The following PBX3 variants were observed in gnomAD, a reference collection of about 807,000 sequenced individuals.
PBX3 encodes pre-B-cell leukemia transcription factor 3.
A neutral mutation model predicts 48.5 loss-of-function variants in PBX3; 14 were observed. That is an observed-to-expected ratio of 0.29 (90% confidence interval 0.19 to 0.45). The LOEUF (loss-of-function observed/expected upper bound fraction) is 0.45, where lower values mean the gene tolerates loss of function less well. Ranked by LOEUF, PBX3 falls within the 20% of genes least tolerant of loss-of-function variation. PBX3 has a pLI of 1.00. For missense variants in PBX3, 386 were observed against 546.7 expected, an observed-to-expected ratio of 0.71 and a Z score of 2.93; for synonymous variants, 210 against 200.3, an observed-to-expected ratio of 1.05 and a Z score of -0.41.
rs371795196 is a variant in PBX3 at position 125,953,504 on chromosome 9, GAT to G, written c.844-7177_844-7176del. 5.3e-3 allele frequency among the ~76,000 whole-genome samples: 803 copies of G among 152,048 alleles called. 4 individuals are homozygous for G. The highest frequency in any genetic ancestry group is 0.014 in the South Asian group (67 of 4,806). ...AAAAAAAAAAAGTAGGACTGTGGTG[GAT>G]ATCTTTGTACATTTATCTGTAAATA... On this transcript the variant is annotated intron_variant, in intron 5 of 8. Coordinates refer to ENST00000373489, the MANE Select transcript of PBX3 (RefSeq NM_006195.6).
At chr9:125,953,178 A>G (rs1341492689) in intron 5 of PBX3, among the ~76,000 whole-genome samples, 1 of 151,914 alleles carries the variant, frequency 6.6e-6, no homozygotes, top group East Asian at 1.9e-4. Context: ...CTCTCTTTCT[A>G]TTAATAAGTA....
At position 125,899,248 on chromosome 9, in the gene PBX3, T is replaced by C. The variant is rs191284799; in HGVS notation, c.275-16438T>C. Among the ~76,000 whole-genome samples, 423 of 125,868 alleles carry C rather than the reference T, an allele frequency of 3.4e-3. 10 individuals are homozygous for C. In the East Asian group the frequency reaches 0.037, roughly 11 times the overall value. 82.6% of individuals were successfully genotyped at this position (125,868 alleles called of 152,430 possible). A position where few individuals can be genotyped will look rare whatever the true frequency, so the allele number is the denominator to read the frequency against. Reference sequence around the variant, plus strand: ...ATATATTTATATATAAATATACATATGTATATATATTTATATATAAATATA... The same window carrying C: ...ATATATTTATATATAAATATACATACGTATATATATTTATATATAAATATA... On this transcript the variant is annotated intron_variant, in intron 2 of 8. Coordinates refer to ENST00000373489, the MANE Select transcript of PBX3 (RefSeq NM_006195.6).
chr9:125,889,129 T>C (rs937215673), intron 2 of PBX3, among the ~76,000 whole-genome samples: 3 of 152,158 alleles, frequency 2.0e-5, no homozygotes, highest in Admixed American at 6.5e-5. Flanking sequence ...AGACACCTTA[T>C]TGCAAGGCTC....
intron 2 of PBX3, among the ~76,000 whole-genome samples, chr9:125,836,159 A>T (rs145713855): frequency 8.3e-4 from 126 of 152,204 alleles, no homozygotes; most frequent in African/African-American, 2.7e-3. Flanking sequence ...AAAAAAATTG[A>T]TCTTGGCTGG....
At chr9:125,878,384 A>G (rs1049174898) in intron 2 of PBX3, among the ~76,000 whole-genome samples, 1 of 152,236 alleles carries the variant, frequency 6.6e-6, no homozygotes, top group Non-Finnish European at 1.5e-5. Flanking sequence ...TTTAACTTGC[A>G]TTGGATGTCC....
intron 3 of PBX3, among the ~76,000 whole-genome samples, chr9:125,928,590 C>T (rs1003112349): frequency 5.9e-5 from 9 of 151,814 alleles, no homozygotes; most frequent in East Asian, 1.9e-4. Context: ...CTCAGCCTCC[C>T]GAGTAGCTGG....
intron 2 of PBX3, among the ~76,000 whole-genome samples, chr9:125,848,508 T>C (rs1839490871): frequency 6.6e-6 from 1 of 152,038 alleles, no homozygotes; most frequent in South Asian, 2.1e-4. Flanking sequence ...TAAGTATTGT[T>C]GAATTAATTA....
intron 2 of PBX3, among the ~76,000 whole-genome samples, chr9:125,881,918 G>A (rs1840391163): frequency 6.6e-6 from 1 of 151,950 alleles, no homozygotes; most frequent in African/African-American, 2.4e-5. Context: ...AGGGCTGGGT[G>A]CAGTGGTTTA....
Position 125,960,804 on chromosome 9 carries a change from G to A in PBX3, c.964G>A (p.Ala322Thr). ...AVTAAHAVAA[A>T]VQNNQTNSPT... Reference sequence around the variant, plus strand: ...GACAGCTGCACACGCAGTAGCAGCAGCTGTGCAGAACAACCAGACCAATTC... The same window carrying A: ...GACAGCTGCACACGCAGTAGCAGCAACTGTGCAGAACAACCAGACCAATTC... The change falls in exon 6 of 9, where the codon GCT (alanine) becomes ACT (threonine). Residue 322 changes from alanine to threonine, a missense_variant. Physicochemically the swap from Ala to Thr is moderately conservative, Grantham distance 58 (BLOSUM62 0). This residue lies in a region of PBX3 where 127 missense variants were observed against 143.3 expected (regional missense o/e 0.89). Coordinates refer to ENST00000373489, the MANE Select transcript of PBX3 (RefSeq NM_006195.6). 2 of 1,614,222 alleles carry A rather than the reference G, an allele frequency of 1.2e-6. No individual in the cohort carries two copies. Among genetic ancestry groups the A allele is most frequent in the South Asian group, 1.1e-5 (1 of 91,086 alleles).
chr9:125,785,274 G>A (rs1470555340), intron 2 of PBX3, among the ~76,000 whole-genome samples: 2 of 152,184 alleles, frequency 1.3e-5, no homozygotes, highest in Non-Finnish European at 2.9e-5. Context: ...TGCCAGAGGA[G>A]GTTAACATTT....
chr9:125,900,737 G>C (rs575204563), intron 2 of PBX3, among the ~76,000 whole-genome samples: 9 of 151,756 alleles, frequency 5.9e-5, no homozygotes, highest in African/African-American at 2.2e-4. Flanking sequence ...AATATAACTT[G>C]ATACCTTTTA....
chr9:125,767,989 G>A (rs961698819), intron 2 of PBX3, among the ~76,000 whole-genome samples: 16 of 151,868 alleles, frequency 1.1e-4, no homozygotes, highest in Non-Finnish European at 2.1e-4. Flanking sequence ...GGAGAGGGGA[G>A]TTTAGAAGAG....
At chr9:125,960,950 G>A (rs111270350) in intron 6 of PBX3, 101 bp downstream of exon 6, 65,923 of 239,956 alleles carry the variant, frequency 0.27, 2,206 homozygotes, top group Non-Finnish European at 0.34. Context: ...AGGACAGAGT[G>A]GACTTAAAAA....
At chr9:125,905,016 T>C (rs1841037918) in intron 2 of PBX3, among the ~76,000 whole-genome samples, 1 of 151,970 alleles carries the variant, frequency 6.6e-6, no homozygotes, top group African/African-American at 2.4e-5. Flanking sequence ...TTTAGGTAAT[T>C]TTGAAATCTG....
intron 2 of PBX3, among the ~76,000 whole-genome samples, chr9:125,816,327 C>A (rs1564670873): frequency 6.6e-6 from 1 of 152,084 alleles, no homozygotes; most frequent in Non-Finnish European, 1.5e-5. Flanking sequence ...ATACCCTTTA[C>A]AGTCCTATCA....
chr9:125,806,954 C>T lies in PBX3; in HGVS notation c.274+58331C>T, dbSNP rs542281451. 2.0e-5 allele frequency among the ~76,000 whole-genome samples: 3 copies of T among 152,306 alleles called. No homozygotes were observed. The East Asian group carries it at 5.8e-4, about 29-fold the overall frequency. On this transcript the variant is annotated intron_variant, in intron 2 of 8. Transcript: ENST00000373489. ...GAGAGGAGAAGATATAAGACAGACT[C>T]CTAGGGGACACCATAAACCTTTAAG...
chr9:125,937,952 C>CAG (rs1841875688), intron 5 of PBX3, among the ~76,000 whole-genome samples: 1 of 152,188 alleles, frequency 6.6e-6, no homozygotes, highest in South Asian at 2.1e-4. Context: ...TGAACCACTA[C>CAG]ACTTGGCTAA....
At chr9:125,949,311 T>G in intron 5 of PBX3, 1 of 1,547,514 alleles carries the variant, frequency 6.5e-7, no homozygotes. Context: ...GGGCCTGGCA[T>G]CTCAGGAATG....
At chr9:125,892,406 A>T (rs191177026) in intron 2 of PBX3, among the ~76,000 whole-genome samples, 62 of 152,296 alleles carry the variant, frequency 4.1e-4, no homozygotes, top group African/African-American at 1.3e-3. Flanking sequence ...CAGAAAGCAG[A>T]AGTGATAAAT....
Sources: allele counts gnomAD v4.1 joint callset (sites outside exome capture counted in the v4.1 genomes callset), GRCh38; gene constraint gnomAD v4.1.1; regional missense constraint gnomAD v4.1.1; transcripts MANE v1.5; gene names NCBI Gene and HGNC (gene_info 2026-07-23, HGNC 2026-07-21).